FAM171A1: variants seen among roughly 807,000 people sequenced by gnomAD.
The protein encoded by FAM171A1 is protein FAM171A1.
FAM171A1 carries 23 observed loss-of-function variants against 74.9 expected under a neutral mutation model. The ratio of observed to expected loss-of-function variants is 0.31; its 90% CI spans 0.22 to 0.44. The LOEUF (loss-of-function observed/expected upper bound fraction) is 0.44. Ranked by LOEUF, FAM171A1 falls within the 20% of genes least tolerant of loss-of-function variation. The probability of loss-of-function intolerance (pLI) is 1.00; values close to 1 mark genes in which losing one functional copy is unlikely to be tolerated. For missense variants in FAM171A1, 1,162 were observed against 1,159.2 expected, an observed-to-expected ratio of 1.00 and a Z score of -0.03; for synonymous variants, 527 against 505.7, an observed-to-expected ratio of 1.04 and a Z score of -0.57.
intron 3 of FAM171A1, 138 bp downstream of exon 3, chr10:15,275,717 G>A (rs1454103304): frequency 2.0e-6 from 1 of 490,130 alleles, no homozygotes; most frequent in Non-Finnish European, 3.6e-6. Context: ...TGATAGACAA[G>A]TTAATGATGG....
intron 2 of FAM171A1, among the ~76,000 whole-genome samples, chr10:15,279,110 T>C (rs1045123645): frequency 6.6e-6 from 1 of 152,092 alleles, no homozygotes; most frequent in African/African-American, 2.4e-5. Context: ...GCTGACCGGT[T>C]TGGGGGGCTC....
At chr10:15,230,097 G>A (rs370432212) in intron 5 of FAM171A1, among the ~76,000 whole-genome samples, 6 of 152,180 alleles carry the variant, frequency 3.9e-5, no homozygotes, top group Non-Finnish European at 8.8e-5. Flanking sequence ...TTAAGTCTAT[G>A]TTATTGTATA....
intron 5 of FAM171A1, among the ~76,000 whole-genome samples, chr10:15,239,313 T>A (rs1198116218): frequency 6.6e-6 from 1 of 152,092 alleles, no homozygotes; most frequent in African/African-American, 2.4e-5. Context: ...TTTTTATTTT[T>A]ATTTTTTTTT....
chr10:15,265,777 C>T (rs1834732531), intron 3 of FAM171A1, among the ~76,000 whole-genome samples: 2 of 151,840 alleles, frequency 1.3e-5, no homozygotes, highest in Admixed American at 6.6e-5. Context: ...CAGTTCTTGG[C>T]CTTCTGGTTT....
chr10:15,233,754 T>C (rs1004561867), intron 5 of FAM171A1, among the ~76,000 whole-genome samples: 6 of 151,952 alleles, frequency 3.9e-5, no homozygotes, highest in Non-Finnish European at 7.4e-5. Flanking sequence ...ATACAAAAAG[T>C]AGCTGGGCAT....
At chr10:15,292,360 T>G (rs1480955915) in intron 1 of FAM171A1, among the ~76,000 whole-genome samples, 1 of 152,212 alleles carries the variant, frequency 6.6e-6, no homozygotes, top group Non-Finnish European at 1.5e-5. Context: ...AAGTTTCAAA[T>G]AGTGTCATCT....
intron 6 of FAM171A1, among the ~76,000 whole-genome samples, chr10:15,219,134 T>C (rs1271467957): frequency 6.6e-6 from 1 of 152,050 alleles, no homozygotes; most frequent in Non-Finnish European, 1.5e-5. Flanking sequence ...ATACAAAAAT[T>C]AGCCAGGTGT....
chr10:15,284,281 CA>C (rs1277117986), intron 1 of FAM171A1, among the ~76,000 whole-genome samples, 176 bp from the exon 2 acceptor site: 9 of 152,204 alleles, frequency 5.9e-5, no homozygotes, highest in African/African-American at 2.2e-4. Context: ...CTTTTTACTT[CA>C]CACAATTTCC....
chr10:15,353,126 CT>C (rs1835897987), intron 1 of FAM171A1, among the ~76,000 whole-genome samples: 1 of 152,168 alleles, frequency 6.6e-6, no homozygotes, highest in East Asian at 1.9e-4. Context: ...AGCCATATGC[CT>C]TATCGCACAT....
At chr10:15,246,278 A>AATCAATGC (rs1834433842) in intron 5 of FAM171A1, among the ~76,000 whole-genome samples, 5 of 152,224 alleles carry the variant, frequency 3.3e-5, no homozygotes, top group Admixed American at 3.3e-4. Context: ...TGGCTGGTAA[A>AATCAATGC]ATCAATGCAT....
chr10:15,337,475 CG>C (rs1229667854), intron 1 of FAM171A1, among the ~76,000 whole-genome samples: 8 of 150,780 alleles, frequency 5.3e-5, no homozygotes, highest in Non-Finnish European at 1.2e-4. Flanking sequence ...CGGTGGCTCC[CG>C]CCTGTAATCC....
At chr10:15,218,091 T>C (rs2131707727) in intron 6 of FAM171A1, among the ~76,000 whole-genome samples, 1 of 152,266 alleles carries the variant, frequency 6.6e-6, no homozygotes, top group African/African-American at 2.4e-5. Context: ...TTGTTTTGTT[T>C]TGTTTTGAGA....
At chr10:15,238,314 G>T (rs973669778) in intron 5 of FAM171A1, among the ~76,000 whole-genome samples, 1 of 152,122 alleles carries the variant, frequency 6.6e-6, no homozygotes, top group African/African-American at 2.4e-5. Context: ...AAACTGAAAG[G>T]AAGGTGCAGA....
intron 1 of FAM171A1, among the ~76,000 whole-genome samples, chr10:15,319,211 A>G (rs1465489929): frequency 6.6e-6 from 1 of 152,048 alleles, no homozygotes; most frequent in Non-Finnish European, 1.5e-5. Context: ...TGGGATGTCT[A>G]CCTCTTTTTC....
chr10:15,331,810 T>G (rs547303191), intron 1 of FAM171A1, among the ~76,000 whole-genome samples: 1 of 136,968 alleles, frequency 7.3e-6, no homozygotes, highest in Non-Finnish European at 1.6e-5. Context: ...TATATGTATA[T>G]ATGTGGGTAT....
intron 3 of FAM171A1, among the ~76,000 whole-genome samples, chr10:15,263,501 T>C (rs1351703837): frequency 6.6e-6 from 1 of 152,224 alleles, no homozygotes; most frequent in African/African-American, 2.4e-5. Flanking sequence ...GGAAACAATT[T>C]GCCAGCGTTT....
chr10:15,279,609 T>A (rs1363534065), intron 2 of FAM171A1, among the ~76,000 whole-genome samples: 1 of 152,106 alleles, frequency 6.6e-6, no homozygotes, highest in Non-Finnish European at 1.5e-5. Flanking sequence ...ACAGTCCAGC[T>A]GGGCTTTATG....
intron 3 of FAM171A1, among the ~76,000 whole-genome samples, chr10:15,257,415 C>T (rs1296470143): frequency 1.3e-5 from 2 of 152,160 alleles, no homozygotes; most frequent in Non-Finnish European, 2.9e-5. Context: ...AACCAGAAAC[C>T]CAGGCTGCTC....
At chr10:15,246,882 C>T (rs1322439920) in intron 5 of FAM171A1, among the ~76,000 whole-genome samples, 1 of 152,200 alleles carries the variant, frequency 6.6e-6, no homozygotes, top group South Asian at 2.1e-4. Flanking sequence ...GGGTAAGAGG[C>T]CCCACGCTGC....
Sources: gnomAD v4.1 joint callset for allele counts (sites outside exome capture counted in the v4.1 genomes callset) on GRCh38, gnomAD v4.1.1 for gene constraint, MANE v1.5 for transcripts, NCBI Gene and HGNC (gene_info 2026-07-23, HGNC 2026-07-21) for gene names.